ARMC2: variants seen among roughly 807,000 people sequenced by gnomAD.
ARMC2 encodes armadillo repeat-containing protein 2.
Under a neutral mutation model 90.3 loss-of-function variants are expected in ARMC2, and 67 were observed. The observed-to-expected ratio is 0.74, with a 90% CI of 0.61 to 0.91. The LOEUF (loss-of-function observed/expected upper bound fraction) is 0.91. Among genes scored for constraint, ARMC2 ranks in the 40% least tolerant of loss-of-function variants. The pLI, the probability that ARMC2 is intolerant of heterozygous loss-of-function variation, is 0.00. For missense variants in ARMC2, 920 were observed against 1,030.9 expected (o/e 0.89, Z 1.47); for synonymous variants, 393 against 393.0 (o/e 1.00, Z 0.00).
chr6:109,000,670 C>T, the ARMC2 span: 1 of 1,568,608 alleles, frequency 6.4e-7, no homozygotes, highest in Non-Finnish European at 8.6e-7. Flanking sequence ...TGTCTTGCCG[C>T]AGCCTTAAAA....
chr6:108,955,088 T>A (rs1432496718), intron 13 of ARMC2, among the ~76,000 whole-genome samples: 8 of 152,200 alleles, frequency 5.3e-5, no homozygotes, highest in African/African-American at 1.9e-4. Flanking sequence ...CCTTCTGACC[T>A]CATTTAACCT....
intron 4 of ARMC2, among the ~76,000 whole-genome samples, chr6:108,870,350 C>T (rs1001617747): frequency 1.3e-5 from 2 of 152,146 alleles, no homozygotes; most frequent in African/African-American, 4.8e-5. Flanking sequence ...CATGCAGCCA[C>T]AATGGGGCAT....
intron 13 of ARMC2, among the ~76,000 whole-genome samples, chr6:108,955,853 A>G (rs1473686323): frequency 2.0e-5 from 3 of 152,368 alleles, no homozygotes; most frequent in South Asian, 2.1e-4. Flanking sequence ...CACACTGAGC[A>G]GGGCTTCTCA....
the ARMC2 span, among the ~76,000 whole-genome samples, chr6:109,048,902 G>C: frequency 9.2e-5 from 14 of 152,162 alleles, no homozygotes. Flanking sequence ...GCTATAAAAA[G>C]TGACGGGATG....
the ARMC2 span, among the ~76,000 whole-genome samples, chr6:109,007,019 C>T: frequency 6.6e-6 from 1 of 152,196 alleles, no homozygotes; most frequent in Non-Finnish European, 1.5e-5. Flanking sequence ...CAGCACTAAC[C>T]TCACAGGCTC....
At chr6:108,998,492 C>A in the ARMC2 span, 340 of 1,612,198 alleles carry the variant, frequency 2.1e-4, no homozygotes, top group Non-Finnish European at 2.8e-4. Context: ...TTATGACAAT[C>A]TCATGACAAA....
chr6:108,982,430 C>T, the ARMC2 span, among the ~76,000 whole-genome samples: 657 of 152,314 alleles, frequency 4.3e-3, 7 homozygotes, highest in Non-Finnish European at 6.3e-3. Flanking sequence ...CTAATTACTT[C>T]CCAAAGACCA....
At chr6:108,850,838 C>T (rs752718128) in intron 1 of ARMC2, among the ~76,000 whole-genome samples, 1 of 152,162 alleles carries the variant, frequency 6.6e-6, no homozygotes, top group Non-Finnish European at 1.5e-5. Context: ...GGAATTCTAA[C>T]ACAGTGGGAG....
chr6:108,972,390 T>C (rs143738183), intron 17 of ARMC2, among the ~76,000 whole-genome samples: 75 of 152,324 alleles, frequency 4.9e-4, no homozygotes, highest in African/African-American at 1.8e-3. Context: ...TGGAAAGTTG[T>C]CTTTCCAAAG....
intron 12 of ARMC2, among the ~76,000 whole-genome samples, chr6:108,941,812 T>C (rs1455036672): frequency 1.3e-5 from 2 of 152,236 alleles, no homozygotes; most frequent in East Asian, 3.8e-4. Flanking sequence ...GAGAGTCATG[T>C]TTTTAACTTT....
At chr6:108,935,764 T>A (rs1775911585) in intron 11 of ARMC2, among the ~76,000 whole-genome samples, 1 of 152,200 alleles carries the variant, frequency 6.6e-6, no homozygotes, top group African/African-American at 2.4e-5. Flanking sequence ...TTTTGATTTG[T>A]AATATTTTTT....
intron 3 of ARMC2, among the ~76,000 whole-genome samples, chr6:108,866,380 C>A (rs1582954504): frequency 6.6e-6 from 1 of 152,168 alleles, no homozygotes; most frequent in African/African-American, 2.4e-5. Context: ...AAATATAGTG[C>A]AACTTATGCA....
intron 8 of ARMC2, chr6:108,907,964 C>A: frequency 9.0e-7 from 1 of 1,109,448 alleles, no homozygotes; most frequent in Admixed American, 2.5e-5. Context: ...AATACCTAAT[C>A]ATTAAACATT....
chr6:108,867,822 C>G (rs1162537574), intron 3 of ARMC2, among the ~76,000 whole-genome samples: 1 of 150,264 alleles, frequency 6.7e-6, no homozygotes, highest in East Asian at 2.0e-4. Flanking sequence ...TTAATCCTAG[C>G]TACTCGGGAG....
At chr6:108,990,766 C>T in the ARMC2 span, 11 of 1,613,948 alleles carry the variant, frequency 6.8e-6, no homozygotes, top group African/African-American at 1.3e-4. Context: ...AATTTTTCAT[C>T]AATCAACTGT....
intron 12 of ARMC2, among the ~76,000 whole-genome samples, chr6:108,952,699 A>C (rs1333208492): frequency 1.3e-5 from 2 of 152,366 alleles, no homozygotes; most frequent in South Asian, 2.1e-4. Context: ...TTAGATTTAC[A>C]TGACTCATTT....
chr6:108,895,619 G>A (rs1462776522), intron 6 of ARMC2, among the ~76,000 whole-genome samples: 1 of 151,908 alleles, frequency 6.6e-6, no homozygotes, highest in African/African-American at 2.4e-5. Flanking sequence ...GATACAAAAT[G>A]TATTCATGCA....
At chr6:109,008,581 A>C in the ARMC2 span, among the ~76,000 whole-genome samples, 3 of 152,246 alleles carry the variant, frequency 2.0e-5, no homozygotes, top group Non-Finnish European at 4.4e-5. Flanking sequence ...AAAGCTGCAG[A>C]AAAAATAATT....
intron 5 of ARMC2, among the ~76,000 whole-genome samples, chr6:108,882,270 A>G (rs966961139): frequency 6.6e-6 from 1 of 152,016 alleles, no homozygotes; most frequent in Admixed American, 6.6e-5. Flanking sequence ...CCCTGTCTCT[A>G]CTAAAAATAC....
Sources: allele counts gnomAD v4.1 joint callset (sites outside exome capture counted in the v4.1 genomes callset), GRCh38; gene constraint gnomAD v4.1.1; transcripts MANE v1.5; gene names NCBI Gene and HGNC (gene_info 2026-07-23, HGNC 2026-07-21).